The following CSMD1 variants were observed in gnomAD, a reference collection of about 807,000 sequenced individuals.
CSMD1 encodes the protein CUB and Sushi multiple domains 1.
A neutral mutation model predicts 417.5 loss-of-function variants in CSMD1; 213 were observed. The ratio of observed to expected loss-of-function variants is 0.51; its 90% CI spans 0.46 to 0.57. The LOEUF (loss-of-function observed/expected upper bound fraction) is 0.57. Ranked by LOEUF, CSMD1 falls within the 20% of genes least tolerant of loss-of-function variation. The pLI, the probability that CSMD1 is intolerant of heterozygous loss-of-function variation, is 0.00. For missense variants in CSMD1, 6,923 were observed against 4,529.7 expected (o/e 1.53, Z -15.17); for synonymous variants, 2,862 against 1,736.8 (o/e 1.65, Z -16.11).
At chr8:3,412,731 T>C (rs17394011) in intron 12 of CSMD1, among the ~76,000 whole-genome samples, 14,982 of 152,242 alleles carry the variant, frequency 0.098, 813 homozygotes, top group Middle Eastern at 0.14. Context: ...GCCAAATACA[T>C]CTATAGAGAA....
chr8:3,964,956 T>C (rs1290898735), intron 5 of CSMD1, among the ~76,000 whole-genome samples: 2 of 152,190 alleles, frequency 1.3e-5, no homozygotes, highest in Non-Finnish European at 2.9e-5. Flanking sequence ...ATCCTCGTCA[T>C]GTAATTCTTG....
chr8:3,433,028 G>A (rs1047549114), intron 12 of CSMD1, among the ~76,000 whole-genome samples: 5 of 152,126 alleles, frequency 3.3e-5, no homozygotes, highest in Non-Finnish European at 5.9e-5. Flanking sequence ...ACAAGTCATT[G>A]AAAAAATAAA....
intron 3 of CSMD1, among the ~76,000 whole-genome samples, chr8:4,094,641 A>G (rs569773353): frequency 6.6e-6 from 1 of 152,252 alleles, no homozygotes; most frequent in South Asian, 2.1e-4. Context: ...GTGGGGACAC[A>G]CATGTGGAAG....
At chr8:4,611,876 G>C (rs545967914) in intron 2 of CSMD1, among the ~76,000 whole-genome samples, 3 of 152,136 alleles carry the variant, frequency 2.0e-5, no homozygotes, top group Non-Finnish European at 2.9e-5. Context: ...CCTTCATAAT[G>C]CATCTTAAAG....
At chr8:4,528,308 C>T (rs760622267) in intron 2 of CSMD1, among the ~76,000 whole-genome samples, 35 of 152,060 alleles carry the variant, frequency 2.3e-4, no homozygotes, top group Non-Finnish European at 4.3e-4. Flanking sequence ...TGAACAGCAA[C>T]AACAAAAGTT....
chr8:3,792,530 T>C (rs1025270476), intron 5 of CSMD1, among the ~76,000 whole-genome samples: 2 of 152,154 alleles, frequency 1.3e-5, no homozygotes, highest in Non-Finnish European at 2.9e-5. Flanking sequence ...ATCTCACAAT[T>C]GATTTATTTT....
Position 3,138,226 on chromosome 8 carries a change from G to A in CSMD1, c.6241+4239C>T, listed in dbSNP as rs146130491. 3.9e-3 allele frequency among the ~76,000 whole-genome samples: 599 copies of A among 152,094 alleles called. 4 individuals are homozygous for A. Among genetic ancestry groups the A allele is most frequent in the African/African-American group, 0.014 (572 of 41,500 alleles). On this transcript the variant is annotated intron_variant, in intron 41 of 69. Coordinates refer to ENST00000635120, the MANE Select transcript of CSMD1 (RefSeq NM_033225.6). ...GGACAACAGAGTGGGATTCCCTCTC[G>A]AAAACAAAAAACCATATCCCATATC...
intron 2 of CSMD1, among the ~76,000 whole-genome samples, chr8:4,482,148 T>G (rs1801136351): frequency 6.6e-6 from 1 of 152,178 alleles, no homozygotes; most frequent in South Asian, 2.1e-4. Flanking sequence ...GTTACATAAG[T>G]AAACTTGTGT....
chr8:3,667,451 C>A lies in CSMD1; in HGVS notation c.1009+40963G>T, dbSNP rs530213232. On this transcript the variant is annotated intron_variant, in intron 7 of 69. Coordinates refer to ENST00000635120, the MANE Select transcript of CSMD1 (RefSeq NM_033225.6). ...TTTTGGATAGCAGCCATTGGCAAGG[C>A]CTTGGGGCACTACAGCCCTGGCAAA... Among the ~76,000 whole-genome samples the A allele has an allele frequency of 1.2e-3, 182 of 151,938 alleles. 2 individuals carry two copies. Among genetic ancestry groups the A allele is most frequent in the African/African-American group, 4.2e-3 (175 of 41,454 alleles).
At chr8:4,892,746 C>G (rs1418443758) in intron 1 of CSMD1, among the ~76,000 whole-genome samples, 4 of 152,042 alleles carry the variant, frequency 2.6e-5, no homozygotes, top group East Asian at 1.9e-4. Flanking sequence ...TGATTTGCAT[C>G]TCATTTTTAT....
chr8:4,249,062 T>C (rs550415930), intron 3 of CSMD1, among the ~76,000 whole-genome samples: 3 of 152,192 alleles, frequency 2.0e-5, no homozygotes, highest in South Asian at 2.1e-4. Flanking sequence ...ACTATTAATC[T>C]TCCTTGCTGT....
intron 10 of CSMD1, among the ~76,000 whole-genome samples, chr8:3,497,280 A>T (rs1160763431): frequency 6.6e-6 from 1 of 152,148 alleles, no homozygotes; most frequent in East Asian, 1.9e-4. Context: ...ATTGGAGTCT[A>T]TCTCTCCCAT....
At chr8:3,829,151 C>A (rs1053590789) in intron 5 of CSMD1, among the ~76,000 whole-genome samples, 3 of 152,100 alleles carry the variant, frequency 2.0e-5, no homozygotes, top group Non-Finnish European at 2.9e-5. Context: ...ACACTGCACT[C>A]TATTTGTTGT....
At chr8:3,103,098 C>T (rs1045114609) in intron 46 of CSMD1, among the ~76,000 whole-genome samples, 1 of 152,158 alleles carries the variant, frequency 6.6e-6, no homozygotes, top group African/African-American at 2.4e-5. Context: ...AGCACTCAGA[C>T]CTTAGCTGTA....
At chr8:4,194,313 G>A (rs1243511164) in intron 3 of CSMD1, among the ~76,000 whole-genome samples, 1 of 152,068 alleles carries the variant, frequency 6.6e-6, no homozygotes, top group African/African-American at 2.4e-5. Flanking sequence ...CATTCCTATA[G>A]GATGGGATTT....
chr8:3,058,612 C>A (rs1285643205), intron 49 of CSMD1, among the ~76,000 whole-genome samples: 4 of 152,182 alleles, frequency 2.6e-5, no homozygotes, highest in African/African-American at 9.7e-5. Flanking sequence ...TGTGCCACAA[C>A]TTCTCAAACA....
At chr8:3,547,153 G>C (rs1032135676) in intron 10 of CSMD1, among the ~76,000 whole-genome samples, 2 of 152,148 alleles carry the variant, frequency 1.3e-5, no homozygotes, top group Non-Finnish European at 2.9e-5. Context: ...GACAAGCTCT[G>C]GGCTTGGCAA....
chr8:3,535,722 G>T (rs1161275419), intron 10 of CSMD1, among the ~76,000 whole-genome samples: 1 of 152,156 alleles, frequency 6.6e-6, no homozygotes. Flanking sequence ...GTTAATCCAA[G>T]TAAACTTGAT....
intron 2 of CSMD1, among the ~76,000 whole-genome samples, chr8:4,586,763 A>G (rs1315570547): frequency 1.3e-5 from 2 of 152,138 alleles, no homozygotes; most frequent in Non-Finnish European, 2.9e-5. Context: ...GCGGTTCCCC[A>G]TGGCACTTTC....
Sources: allele counts gnomAD v4.1 joint callset (sites outside exome capture counted in the v4.1 genomes callset), GRCh38; gene constraint gnomAD v4.1.1; transcripts MANE v1.5; gene names NCBI Gene and HGNC (gene_info 2026-07-23, HGNC 2026-07-21).